CWC15: variants seen among roughly 807,000 people sequenced by gnomAD.
CWC15 encodes spliceosome-associated protein CWC15 homolog.
Under a neutral mutation model 28.4 loss-of-function variants are expected in CWC15, and 12 were observed. That is an observed-to-expected ratio of 0.42 (90% CI 0.27 to 0.69). The LOEUF is 0.69. Among genes scored for constraint, CWC15 ranks in the 30% least tolerant of loss-of-function variants. CWC15 has a pLI of 0.23. For synonymous variants in CWC15, 92 were observed against 88.4 expected, an observed-to-expected ratio of 1.04 and a Z score of -0.23; for missense variants, 192 against 271.5, an observed-to-expected ratio of 0.71 and a Z score of 2.06.
chr11:94,963,539 C>T (rs781917041), intron 6 of CWC15, 25 bp from the exon 7 acceptor site: 11 of 1,541,590 alleles, frequency 7.1e-6, no homozygotes, highest in Middle Eastern at 1.7e-4. Flanking sequence ...GCAAACAGAA[C>T]GTCTGAAAAT....
rs782644338 is a variant in CWC15 at position 94,966,428 on chromosome 11, G to C, written c.442-15C>G. ...TGTTCTTGTTCCTGTCAATGATAAA[G>C]GAAGATTAACACTTACTTATTTTAA... On this transcript the variant is annotated splice_polypyrimidine_tract_variant and intron_variant, in intron 5 of 6. Transcript: ENST00000279839. 1.7e-5 allele frequency: 26 copies of C among 1,511,288 alleles called. No homozygotes were observed. The South Asian group carries it at 2.8e-4, about 16-fold the overall frequency. 93.6% of individuals were successfully genotyped at this position (1,511,288 alleles called of 1,614,324 possible). A position where few individuals can be genotyped will look rare whatever the true frequency, so the allele number is the denominator to read the frequency against.
At chr11:94,966,164 T>C (rs1857636745) in intron 6 of CWC15, 131 bp downstream of exon 6, 2 of 583,542 alleles carry the variant, frequency 3.4e-6, no homozygotes, top group South Asian at 4.9e-5. Flanking sequence ...TAGAAGCTTT[T>C]TACAATGCAC....
At chr11:94,970,236 T>G (rs1433130610) in intron 4 of CWC15, 140 bp from the exon 5 acceptor site, 1 of 410,634 alleles carries the variant, frequency 2.4e-6, no homozygotes, top group Non-Finnish European at 4.3e-6. Context: ...GCAGCAAAGA[T>G]ACTCAAAAGT....
intron 1 of CWC15, among the ~76,000 whole-genome samples, chr11:94,972,773 T>G (rs782049495): frequency 3.3e-5 from 5 of 151,890 alleles, no homozygotes; most frequent in Non-Finnish European, 7.4e-5. Context: ...AGAAAAAAAT[T>G]CTTAAACAAC....
rs1555094692 is a variant in CWC15, at chr11:94,963,373, C to T, written c.*12G>A. ...ACGTTTTACAGTCTTTAATTAAGCA[C>T]ATAAAACTGTACTATTTAATATATT... On this transcript the variant is annotated 3_prime_UTR_variant, in exon 7 of 7. Coordinates refer to ENST00000279839, the MANE Select transcript of CWC15 (RefSeq NM_016403.4). 1.3e-6 allele frequency: 2 copies of T among 1,559,276 alleles called. No homozygotes were observed. Among genetic ancestry groups the T allele is most frequent in the Non-Finnish European group, 1.7e-6 (2 of 1,150,134 alleles).
rs1857697930 is a variant in CWC15 at position 94,970,039 on chromosome 11, C to T, written c.391G>A (p.Ala131Thr). Reference protein sequence around the residue: ...SDDDDTAALLAELEKIKKERA... With the variant: ...SDDDDTAALLTELEKIKKERA... ...TCTTTTTTAATTTTTTCCAGTTCTG[C>T]AAGAAGAGCTGCAGTATCATCATCA... The change falls in exon 5 of 7, where the codon GCA becomes ACA. Residue 131 changes from alanine to threonine, a missense_variant. Transcript: ENST00000279839. 6.3e-7 allele frequency: 1 copy of T among 1,576,262 alleles called. No individual in the cohort carries two copies. Among genetic ancestry groups the T allele is most frequent in the Non-Finnish European group, 8.6e-7 (1 of 1,160,182 alleles).
At chr11:94,972,330 T>G (rs1285353584) in intron 1 of CWC15, 137 bp from the exon 2 acceptor site, 1 of 836,758 alleles carries the variant, frequency 1.2e-6, no homozygotes, top group African/African-American at 1.7e-5. Flanking sequence ...TAAACAAAAG[T>G]TTTCAAGAAA....
At chr11:94,968,213 G>A (rs2134100967) in intron 5 of CWC15, among the ~76,000 whole-genome samples, 1 of 152,288 alleles carries the variant, frequency 6.6e-6, no homozygotes. Context: ...GTGGAGGTGA[G>A]TAGGTGTGAT....
At position 94,962,801 on chromosome 11, in the gene CWC15, G is replaced by A. The variant is rs77656554; in HGVS notation, c.*584C>T. 1 of 150,516 alleles carries A rather than the reference G, an allele frequency of 6.6e-6. No individual in the cohort carries two copies. The highest frequency in any genetic ancestry group is 1.5e-5 in the Non-Finnish European group (1 of 67,614). 9.3% of individuals were successfully genotyped at this position (150,516 alleles called of 1,614,324 possible). On this transcript the variant is annotated 3_prime_UTR_variant, in exon 7 of 7. Transcript: ENST00000279839. The stretch of plus-strand genomic sequence containing the variant: ...ACAGAGCTCTCCTCTTCGGCCATGA[G>A]AAAAAAAAACAAGTACCTGCAGAAG...
chr11:94,965,612 T>C (rs868934805), intron 6 of CWC15, among the ~76,000 whole-genome samples: 8 of 152,382 alleles, frequency 5.2e-5, no homozygotes, highest in Middle Eastern at 3.4e-3. Context: ...GAACACCTAC[T>C]ATCCTTTTAG....
Position 94,971,483 on chromosome 11 carries a change from T to C in CWC15, c.136A>G (p.Thr46Ala). The change falls in exon 3 of 7, where the codon ACT becomes GCT. Residue 46 changes from threonine (T) to alanine (A), a missense_variant. Physicochemically the swap from Thr to Ala is moderately conservative, Grantham distance 58. This residue lies in a region of CWC15 where 188 missense variants were observed against 250.3 expected (regional missense o/e 0.75). Transcript: ENST00000279839. ...PSHTKIKYRQ[T>A]TQDAPEEVRN... Reference sequence around the variant, plus strand: ...ACCTCTTCAGGGGCATCCTGAGTAGTCTGTCTAAAGTAGAAACAAACCAGG... The same window carrying C: ...ACCTCTTCAGGGGCATCCTGAGTAGCCTGTCTAAAGTAGAAACAAACCAGG... 1.2e-6 allele frequency: 2 copies of C among 1,601,844 alleles called. No homozygotes were observed. Among genetic ancestry groups the C allele is most frequent in the Non-Finnish European group, 1.7e-6 (2 of 1,172,532 alleles).
intron 5 of CWC15, among the ~76,000 whole-genome samples, chr11:94,967,546 T>C (rs1194811635): frequency 6.6e-6 from 1 of 152,212 alleles, no homozygotes; most frequent in Non-Finnish European, 1.5e-5. Flanking sequence ...GTTTTGGGGA[T>C]AACAGAAATT....
intron 4 of CWC15, chr11:94,970,771 A>G: frequency 7.2e-6 from 4 of 557,218 alleles, no homozygotes; most frequent in Non-Finnish European, 1.3e-5. Context: ...GGTTCTCTAG[A>G]GATCAAACTT....
Position 94,966,224 on chromosome 11 carries a change from T to TACACACACACACAC in CWC15, c.560+70_560+71insGTGTGTGTGTGTGT, listed in dbSNP as rs1447749262. On this transcript the variant is annotated intron_variant, in intron 6 of 6. Coordinates refer to ENST00000279839, the MANE Select transcript of CWC15 (RefSeq NM_016403.4). The stretch of plus-strand genomic sequence containing the variant: ...ATGCCTGTGTGTATACACATACACA[T>TACACACACACACAC]ATACACACACACACACACACACACA... 12 of 734,100 alleles carry TACACACACACACAC rather than the reference T, an allele frequency of 1.6e-5. No homozygotes were observed. In the African/African-American group the frequency reaches 2.1e-4, roughly 13 times the overall value. 45.5% of individuals were successfully genotyped at this position (734,100 alleles called of 1,614,324 possible). A position where few individuals can be genotyped will look rare whatever the true frequency, so the allele number is the denominator to read the frequency against.
At chr11:94,965,496 A>C (rs12788321) in intron 6 of CWC15, among the ~76,000 whole-genome samples, 5,473 of 152,334 alleles carry the variant, frequency 0.036, 137 homozygotes, top group Non-Finnish European at 0.052. Context: ...TACAATCCTT[A>C]GAAATGCCTG....
chr11:94,964,330 A>G (rs1857610813), intron 6 of CWC15, among the ~76,000 whole-genome samples: 1 of 152,178 alleles, frequency 6.6e-6, no homozygotes, highest in African/African-American at 2.4e-5. Context: ...ACATGGGAAC[A>G]AATGTGGGAA....
chr11:94,971,102 A>G (rs782405428), intron 3 of CWC15, 37 bp from the exon 4 acceptor site: 4 of 1,534,706 alleles, frequency 2.6e-6, no homozygotes, highest in Non-Finnish European at 3.6e-6. Context: ...TTAGTAAAAC[A>G]AATACTTCAT....
chr11:94,962,775 T>C lies in CWC15; in HGVS notation c.*610A>G, dbSNP rs1351794808. The C allele has an allele frequency of 6.6e-6, 1 of 152,124 alleles. No homozygotes were observed. The highest frequency in any genetic ancestry group is 1.5e-5 in the Non-Finnish European group (1 of 68,056). The allele number at this position is 152,124 out of a possible 1,614,324, so 9.4% of individuals were successfully genotyped here. A position where few individuals can be genotyped will look rare whatever the true frequency, so the allele number is the denominator to read the frequency against. On this transcript the variant is annotated 3_prime_UTR_variant, in exon 7 of 7. Coordinates refer to ENST00000279839, the MANE Select transcript of CWC15 (RefSeq NM_016403.4). ...GTACCGTATACTTTAAAAGAATGCT[T>C]ACAGAGCTCTCCTCTTCGGCCATGA...
intron 5 of CWC15, 111 bp downstream of exon 5, chr11:94,969,876 TAG>T: frequency 1.9e-6 from 1 of 524,470 alleles, no homozygotes; most frequent in Non-Finnish European, 3.2e-6. Context: ...CTATAATATT[TAG>T]ACACGGTAAA....
Sources: gnomAD v4.1 joint callset for allele counts (sites outside exome capture counted in the v4.1 genomes callset) on GRCh38, gnomAD v4.1.1 for gene constraint, gnomAD v4.1.1 regional missense constraint, MANE v1.5 for transcripts, NCBI Gene and HGNC (gene_info 2026-07-23, HGNC 2026-07-21) for gene names.